SRL: variants seen among roughly 807,000 people sequenced by gnomAD.
The protein encoded by SRL is sarcalumenin.
A neutral mutation model predicts 39.5 loss-of-function variants in SRL; 23 were observed. That is an observed-to-expected ratio of 0.58 (90% CI 0.42 to 0.82). The LOEUF (loss-of-function observed/expected upper bound fraction) is 0.82. Among genes scored for constraint, SRL ranks in the 40% least tolerant of loss-of-function variants. The pLI is 0.00. For missense variants in SRL, 592 were observed against 607.8 expected (o/e 0.97, Z 0.27); for synonymous variants, 272 against 237.4 (o/e 1.15, Z -1.34).
chr16:4,217,888 G>A (rs1486980922), intron 1 of SRL, among the ~76,000 whole-genome samples: 1 of 152,136 alleles, frequency 6.6e-6, no homozygotes, highest in African/African-American at 2.4e-5. Context: ...CGGGTCTGGG[G>A]GCTCAGTCAG....
At chr16:4,200,280 C>T (rs1046353626) in intron 3 of SRL, among the ~76,000 whole-genome samples, 1 of 152,198 alleles carries the variant, frequency 6.6e-6, no homozygotes, top group Non-Finnish European at 1.5e-5. Flanking sequence ...CCAGTTACAG[C>T]CACAGAGATG....
intron 1 of SRL, among the ~76,000 whole-genome samples, chr16:4,210,320 T>A (rs1199878751): frequency 1.3e-5 from 2 of 152,164 alleles, no homozygotes; most frequent in Non-Finnish European, 2.9e-5. Context: ...CTGAATGTCC[T>A]CTGAACAGCA....
chr16:4,241,272 T>C (rs1250776844), intron 1 of SRL, among the ~76,000 whole-genome samples: 2 of 152,092 alleles, frequency 1.3e-5, no homozygotes, highest in Admixed American at 6.5e-5. Context: ...ATCTCCTCCA[T>C]AGCCTATAGA....
Position 4,192,670 on chromosome 16 carries a change from G to A in SRL, c.905C>T (p.Thr302Ile). 1 of 1,614,152 alleles carries A rather than the reference G, an allele frequency of 6.2e-7. No homozygotes were observed. Among genetic ancestry groups the A allele is most frequent in the East Asian group, 2.2e-5 (1 of 44,878 alleles). The change falls in exon 6 of 6, where the codon ACC (threonine) becomes ATC (isoleucine). Residue 302 changes from threonine (T) to isoleucine (I), a missense_variant. Physicochemically the swap from Thr to Ile is moderately conservative, Grantham distance 89. Transcript: ENST00000399609. This position sits in a 1 kb window ranked among gnomAD's most constrained non-coding sequence, Gnocchi z 4.0. ...TTCTTGGAGGAACAGTTCCTGATGG[G>A]TGTCCGGCTTATACTCTTGTGGCCA... ...SFWPQEYKPD[T>I]HQELFLQEEI...
Position 4,190,044 on chromosome 16 carries a change from T to C in SRL, c.*2109A>G. 1 of 385,578 alleles carries C rather than the reference T, an allele frequency of 2.6e-6. No individual in the cohort carries two copies. The highest frequency in any genetic ancestry group is 4.6e-6 in the Non-Finnish European group (1 of 218,300). 23.9% of individuals were successfully genotyped at this position (385,578 alleles called of 1,614,324 possible). A position where few individuals can be genotyped will look rare whatever the true frequency, so the allele number is the denominator to read the frequency against. On this transcript the variant is annotated 3_prime_UTR_variant, in exon 6 of 6. Transcript: ENST00000399609. ...CAGCCCCTATCACAGGCTCCGTGGA[T>C]GCCCCTTGCAGAACTCACTGTTCTT... is the stretch of plus-strand genomic sequence containing the variant.
At position 4,242,006 on chromosome 16, in the gene SRL, C is replaced by T. The variant is rs764791426; in HGVS notation, c.61+1G>A. The T allele has an allele frequency of 2.9e-5, 46 of 1,613,612 alleles. No individual in the cohort carries two copies. The Middle Eastern group carries it at 1.0e-3, about 35-fold the overall frequency. On this transcript the variant is annotated splice_donor_variant, in intron 1 of 5. Transcript: ENST00000399609. LOFTEE classifies it high-confidence loss of function. ...CTGGGTCATGCTGGGAGGGGCCCTA[C>T]CTGCTTGTCCTGAGAACAGGAGCGA...
At chr16:4,212,987 G>A (rs772364971) in intron 1 of SRL, among the ~76,000 whole-genome samples, 1 of 152,180 alleles carries the variant, frequency 6.6e-6, no homozygotes, top group Non-Finnish European at 1.5e-5. Flanking sequence ...GGGCCCTCGT[G>A]AGTCCAACTG....
intron 1 of SRL, among the ~76,000 whole-genome samples, chr16:4,233,430 C>G (rs1340021249): frequency 6.6e-6 from 1 of 152,176 alleles, no homozygotes; most frequent in African/African-American, 2.4e-5. Context: ...GGCACAGCTT[C>G]CACCCTCCCC....
intron 1 of SRL, among the ~76,000 whole-genome samples, chr16:4,216,327 A>C (rs942130779): frequency 2.0e-5 from 3 of 151,854 alleles, no homozygotes; most frequent in African/African-American, 4.8e-5. Context: ...GCTGGAGTAC[A>C]GTGGTACAAT....
chr16:4,227,517 A>G (rs557665397), intron 1 of SRL, among the ~76,000 whole-genome samples: 137 of 148,268 alleles, frequency 9.2e-4, no homozygotes, highest in African/African-American at 3.3e-3. Flanking sequence ...GGGTGGGTAG[A>G]TGAGTAGATG....
rs745842877 is a variant in SRL, at chr16:4,203,197, C to G, written c.228G>C (p.Lys76Asn). 5 of 1,614,100 alleles carry G rather than the reference C, an allele frequency of 3.1e-6. No individual in the cohort carries two copies. Among genetic ancestry groups the G allele is most frequent in the African/African-American group, 1.3e-5 (1 of 74,934 alleles). Reference sequence around the variant, plus strand: ...TCTCATGCTGCCGGAGCTCATTGTACTTGTAGGACTGCTCCAGAGGCTTGA... The same window carrying G: ...TCTCATGCTGCCGGAGCTCATTGTAGTTGTAGGACTGCTCCAGAGGCTTGA... ...SSIKPLEQSY[K>N]YNELRQHEIT... The change falls in exon 3 of 6, where the codon AAG becomes AAC. Residue 76 changes from lysine (K) to asparagine (N), a missense_variant. Physicochemically the swap from Lys to Asn is moderately conservative, Grantham distance 94. Transcript: ENST00000399609.
At chr16:4,217,100 C>T (rs1597284665) in intron 1 of SRL, among the ~76,000 whole-genome samples, 1 of 152,168 alleles carries the variant, frequency 6.6e-6, no homozygotes, top group South Asian at 2.1e-4. Flanking sequence ...AACGTGGGAG[C>T]TTGGGAAATG....
At chr16:4,232,802 G>A (rs756930538) in intron 1 of SRL, among the ~76,000 whole-genome samples, 6 of 152,212 alleles carry the variant, frequency 3.9e-5, no homozygotes, top group Non-Finnish European at 8.8e-5. Context: ...AAGAGCCACC[G>A]TGCCCAGCCT....
At chr16:4,236,650 C>CT (rs372843167) in intron 1 of SRL, among the ~76,000 whole-genome samples, 39 of 147,092 alleles carry the variant, frequency 2.7e-4, no homozygotes, top group South Asian at 4.3e-4. Flanking sequence ...CCAAACTGAA[C>CT]TTTTTTTTTT....
Position 4,238,251 on chromosome 16 carries a change from C to G in SRL, c.61+3756G>C, listed in dbSNP as rs78429810. On this transcript the variant is annotated intron_variant, in intron 1 of 5. Transcript: ENST00000399609. ...AGGCGCTCCATCCCACAGCCATGGC[C>G]CTCCCTGCTCCCCACTCCCCCAGCC... Among the ~76,000 whole-genome samples the G allele has an allele frequency of 3.8e-3, 574 of 152,232 alleles. 5 individuals carry two copies. Among genetic ancestry groups the G allele is most frequent in the African/African-American group, 0.013 (560 of 41,518 alleles).
intron 1 of SRL, among the ~76,000 whole-genome samples, chr16:4,224,680 A>C (rs2052567666): frequency 6.6e-6 from 1 of 151,892 alleles, no homozygotes; most frequent in African/African-American, 2.4e-5. Flanking sequence ...CACTGCACTC[A>C]CTGCACTCTC....
intron 3 of SRL, among the ~76,000 whole-genome samples, chr16:4,201,317 C>T (rs914993005): frequency 3.3e-5 from 5 of 152,170 alleles, no homozygotes; most frequent in Admixed American, 6.5e-5. Flanking sequence ...CACTCTGTCA[C>T]CCAGGCTGGA....
At chr16:4,214,252 C>G (rs1432317424) in intron 1 of SRL, among the ~76,000 whole-genome samples, 1 of 152,222 alleles carries the variant, frequency 6.6e-6, no homozygotes, top group East Asian at 1.9e-4. Context: ...TCCAGCCCGT[C>G]CAAGTCTCCT....
Position 4,195,739 on chromosome 16 carries a change from T to G in SRL, c.424A>C (p.Lys142Gln), listed in dbSNP as rs762659194. ...SEFTVLMHGPKLKTIEGIVMA... is the reference protein window; with the variant it reads ...SEFTVLMHGPQLKTIEGIVMA... ...ACGATGCCCTCGATGGTTTTCAGCT[T>G]AGGCCCATGCATGAGGACCGTGAAC... The change falls in exon 5 of 6, where the codon AAG becomes CAG. Residue 142 changes from lysine (K) to glutamine (Q), a missense_variant. Lys to Gln is a moderately conservative substitution (Grantham distance 53, BLOSUM62 1). Coordinates refer to ENST00000399609, the MANE Select transcript of SRL (RefSeq NM_001098814.2). 1 of 1,614,058 alleles carries G rather than the reference T, an allele frequency of 6.2e-7. No homozygotes were observed. The highest frequency in any genetic ancestry group is 1.7e-5 in the Admixed American group (1 of 60,006).
Sources: gnomAD v4.1 joint callset for allele counts (sites outside exome capture counted in the v4.1 genomes callset) on GRCh38, gnomAD v4.1.1 for gene constraint, Gnocchi (gnomAD v3.1) non-coding constraint, MANE v1.5 for transcripts, NCBI Gene and HGNC (gene_info 2026-07-23, HGNC 2026-07-21) for gene names.